Variants in OR10A2 observed in about 807,000 individuals in gnomAD.
OR10A2 encodes olfactory receptor family 10 subfamily A member 2.
Under a neutral mutation model 13.7 loss-of-function variants are expected in OR10A2, and 15 were observed. The observed-to-expected ratio is 1.10, with a 90% CI of 0.73 to 1.69. The LOEUF (loss-of-function observed/expected upper bound fraction) is 1.69. OR10A2 is among the 40% of genes most tolerant of loss of function. The pLI is 0.00. For synonymous variants in OR10A2, 145 were observed against 144.7 expected, an observed-to-expected ratio of 1.00 and a Z score of -0.02; for missense variants, 343 against 361.1, an observed-to-expected ratio of 0.95 and a Z score of 0.41.
chr11:6,863,527 G>A (rs537653195), intron 1 of OR10A2, among the ~76,000 whole-genome samples, 176 bp downstream of exon 1: 1 of 152,022 alleles, frequency 6.6e-6, no homozygotes, highest in East Asian at 1.9e-4. Context: ...TTGGGCATCA[G>A]TTTACTCTAT....
chr11:6,863,146 T>G lies in OR10A2; in HGVS notation c.-338T>G, dbSNP rs2595457. On this transcript the variant is annotated 5_prime_UTR_variant, in exon 1 of 2. Transcript: ENST00000641461. ...TGGCCAAACTTCATAGTGAGCTTAC[T>G]TGCCTCTGACACACAAGGCAGCAGT... 63,119 of 152,022 alleles carry G rather than the reference T, an allele frequency of 0.42. 13,534 individuals are homozygous for G. Among genetic ancestry groups the G allele is most frequent in the Middle Eastern group, 0.57 (169 of 294 alleles). 9.4% of individuals were successfully genotyped at this position (152,022 alleles called of 1,614,324 possible). A position where few individuals can be genotyped will look rare whatever the true frequency, so the allele number is the denominator to read the frequency against.
chr11:6,869,539 G>A, intron 1 of OR10A2, 84 bp from the exon 2 acceptor site: 2 of 581,324 alleles, frequency 3.4e-6, no homozygotes, highest in Non-Finnish European at 6.1e-6. Context: ...TTAGGCTCTG[G>A]CTACTATTTA....
chr11:6,864,016 C>T (rs1407171333), intron 1 of OR10A2, among the ~76,000 whole-genome samples: 1 of 152,090 alleles, frequency 6.6e-6, no homozygotes, highest in Admixed American at 6.5e-5. Flanking sequence ...GCATTTTACG[C>T]GTGACCAAGA....
At chr11:6,867,359 G>A (rs1848387177) in intron 1 of OR10A2, among the ~76,000 whole-genome samples, 1 of 151,982 alleles carries the variant, frequency 6.6e-6, no homozygotes, top group Non-Finnish European at 1.5e-5. Flanking sequence ...TTACAGCCAT[G>A]TGCCACCACG....
rs1848454696 is a variant in OR10A2 at position 6,873,291 on chromosome 11, T to TGC, written c.*2626_*2627dup. On this transcript the variant is annotated 3_prime_UTR_variant, in exon 2 of 2. Transcript: ENST00000641461. Reference sequence around the variant, plus strand: ...TGGTTCCCAGAGAGACAATGTAGACTGCCCAGGCAGGCAGCTCATTGAGGC... The same window carrying TGC: ...TGGTTCCCAGAGAGACAATGTAGACTGCGCCCAGGCAGGCAGCTCATTGAGGC... 1 of 152,272 alleles carries TGC rather than the reference T, an allele frequency of 6.6e-6. No homozygotes were observed. 9.4% of individuals were successfully genotyped at this position (152,272 alleles called of 1,614,324 possible).
intron 1 of OR10A2, among the ~76,000 whole-genome samples, 176 bp downstream of exon 1, chr11:6,863,527 G>GT (rs1298244807): frequency 1.3e-5 from 2 of 151,904 alleles, no homozygotes; most frequent in African/African-American, 2.4e-5. Flanking sequence ...TTGGGCATCA[G>GT]TTTACTCTAT....
chr11:6,866,122 A>G (rs1379371011), intron 1 of OR10A2, among the ~76,000 whole-genome samples: 1 of 152,216 alleles, frequency 6.6e-6, no homozygotes, highest in Non-Finnish European at 1.5e-5. Context: ...GTATAAATGC[A>G]TCATAATTTG....
chr11:6,866,300 A>G (rs1011952168), intron 1 of OR10A2, among the ~76,000 whole-genome samples: 1 of 152,218 alleles, frequency 6.6e-6, no homozygotes, highest in African/African-American at 2.4e-5. Flanking sequence ...GAACTGTCAA[A>G]CTGTTTTCTG....
At position 6,871,400 on chromosome 11, in the gene OR10A2, C is replaced by A. The variant is rs1316832900; in HGVS notation, c.*734C>A. On this transcript the variant is annotated 3_prime_UTR_variant, in exon 2 of 2. Transcript: ENST00000641461. ...GGCAGATCTGACTCTACATTCATGACAGAAAATCTCATGATCTTTCCCAAC... is the reference window on the plus strand; with the variant it reads ...GGCAGATCTGACTCTACATTCATGAAAGAAAATCTCATGATCTTTCCCAAC... 6.6e-6 allele frequency: 1 copy of A among 151,946 alleles called. No homozygotes were observed. The highest frequency in any genetic ancestry group is 1.5e-5 in the Non-Finnish European group (1 of 67,958). 9.4% of individuals were successfully genotyped at this position (151,946 alleles called of 1,614,324 possible).
chr11:6,869,577 G>T, intron 1 of OR10A2, 46 bp from the exon 2 acceptor site: 1 of 650,580 alleles, frequency 1.5e-6, no homozygotes, highest in Non-Finnish European at 2.7e-6. Flanking sequence ...ACAACCCAAG[G>T]CACTTCCTCT....
chr11:6,870,008 C>A lies in OR10A2; in HGVS notation c.254C>A (p.Ala85Asp). Residue 85 changes from alanine (A) to aspartate (D), a missense_variant, in exon 2 of 2, where the codon GCC becomes GAC. Ala to Asp is a moderately radical substitution (Grantham distance 126, BLOSUM62 -2). Coordinates refer to ENST00000641461, the MANE Select transcript of OR10A2 (RefSeq NM_001004460.2). ...QDTTISFLGC[A>D]TQMYFFFFFG... ...ACAACCATCTCCTTCCTTGGCTGTG[C>A]CACTCAGATGTATTTCTTCTTCTTC... is the stretch of plus-strand genomic sequence containing the variant. 1 of 1,614,208 alleles carries A rather than the reference C, an allele frequency of 6.2e-7. No individual in the cohort carries two copies. Among genetic ancestry groups the A allele is most frequent in the Non-Finnish European group, 8.5e-7 (1 of 1,180,024 alleles).
intron 1 of OR10A2, among the ~76,000 whole-genome samples, chr11:6,869,030 T>A (rs1468700077): frequency 6.6e-6 from 1 of 152,276 alleles, no homozygotes; most frequent in African/African-American, 2.4e-5. Context: ...CAACAAAGCA[T>A]GATTTAGTAA....
intron 1 of OR10A2, among the ~76,000 whole-genome samples, chr11:6,868,096 G>A (rs1013328628): frequency 6.6e-6 from 1 of 152,022 alleles, no homozygotes; most frequent in South Asian, 2.1e-4. Context: ...TTTCATCATT[G>A]GTTCTTTTAT....
At position 6,872,683 on chromosome 11, in the gene OR10A2, T is replaced by G. The variant is rs977696787; in HGVS notation, c.*2017T>G. 1 of 152,190 alleles carries G rather than the reference T, an allele frequency of 6.6e-6. No individual in the cohort carries two copies. The highest frequency in any genetic ancestry group is 6.5e-5 in the Admixed American group (1 of 15,280). 9.4% of individuals were successfully genotyped at this position (152,190 alleles called of 1,614,324 possible). A position where few individuals can be genotyped will look rare whatever the true frequency, so the allele number is the denominator to read the frequency against. ...ATTTTTTTTTAGTAGAGACGAGGTC[T>G]TGCTATGCTACCCAGTCTGGTATCG... On this transcript the variant is annotated 3_prime_UTR_variant, in exon 2 of 2. Transcript: ENST00000641461.
chr11:6,865,730 C>A (rs1453786940), intron 1 of OR10A2, among the ~76,000 whole-genome samples: 1 of 151,992 alleles, frequency 6.6e-6, no homozygotes, highest in Non-Finnish European at 1.5e-5. Context: ...AAATCATTAG[C>A]AATTCTTTTT....
rs750845831 is a variant in OR10A2, at chr11:6,869,714, T to C, written c.-41T>C. Reference sequence around the variant, plus strand: ...AGTTGGGGACTTCTGCCCACACTTATAGCTACAGGAAACTGGACAAGAATA... The same window carrying C: ...AGTTGGGGACTTCTGCCCACACTTACAGCTACAGGAAACTGGACAAGAATA... On this transcript the variant is annotated 5_prime_UTR_variant, in exon 2 of 2. It removes the in-frame stop codon of an upstream open reading frame in the 5' UTR. Coordinates refer to ENST00000641461, the MANE Select transcript of OR10A2 (RefSeq NM_001004460.2). 3.2e-5 allele frequency: 50 copies of C among 1,548,496 alleles called. No homozygotes were observed. Among genetic ancestry groups the C allele is most frequent in the South Asian group, 2.4e-4 (21 of 87,496 alleles).
In OR10A2 at chr11:6,874,002, G is replaced by C. The variant is rs1021916794; in HGVS notation, c.*3336G>C. On this transcript the variant is annotated 3_prime_UTR_variant, in exon 2 of 2. Transcript: ENST00000641461. The stretch of plus-strand genomic sequence containing the variant: ...AGGATTATATCCCAGTTCCTGGCTT[G>C]TACTTTGGGGTGGTGCCATTTACTG... The C allele has an allele frequency of 1.3e-5, 2 of 152,236 alleles. No individual in the cohort carries two copies. Among genetic ancestry groups the C allele is most frequent in the Non-Finnish European group, 2.9e-5 (2 of 68,038 alleles). 9.4% of individuals were successfully genotyped at this position (152,236 alleles called of 1,614,324 possible). A position where few individuals can be genotyped will look rare whatever the true frequency, so the allele number is the denominator to read the frequency against.
rs1184678862 is a variant in OR10A2 at position 6,863,242 on chromosome 11, T to C, written c.-242T>C. On this transcript the variant is annotated 5_prime_UTR_variant, in exon 1 of 2. Transcript: ENST00000641461. ...AATAAGACTTCCCTGGTTCTTCTTT[T>C]GGCTTTGCTGAAACAGAAATAGAGC... 1 of 152,172 alleles carries C rather than the reference T, an allele frequency of 6.6e-6. No homozygotes were observed. The highest frequency in any genetic ancestry group is 6.5e-5 in the Admixed American group (1 of 15,274). 9.4% of individuals were successfully genotyped at this position (152,172 alleles called of 1,614,324 possible). A position where few individuals can be genotyped will look rare whatever the true frequency, so the allele number is the denominator to read the frequency against.
intron 1 of OR10A2, among the ~76,000 whole-genome samples, chr11:6,869,330 TTC>T (rs2133069364): frequency 6.6e-6 from 1 of 152,314 alleles, no homozygotes; most frequent in South Asian, 2.1e-4. Context: ...AATGTATGTG[TTC>T]TTTTACGAGA....
Sources: allele counts gnomAD v4.1 joint callset (sites outside exome capture counted in the v4.1 genomes callset), GRCh38; gene constraint gnomAD v4.1.1; transcripts MANE v1.5; gene names NCBI Gene and HGNC (gene_info 2026-07-23, HGNC 2026-07-21).